PDE4D: variants seen among roughly 807,000 people sequenced by gnomAD.
PDE4D encodes the protein phosphodiesterase 4D.
In PDE4D, 24 loss-of-function variants were observed where a neutral mutation model predicts 87.4. The ratio of observed to expected loss-of-function variants is 0.27; its 90% confidence interval spans 0.20 to 0.39. The LOEUF is 0.39. Ranked by LOEUF, PDE4D falls within the 10% of genes least tolerant of loss-of-function variation. The pLI, the probability that PDE4D is intolerant of heterozygous loss-of-function variation, is 1.00. For synonymous variants in PDE4D, 384 were observed against 383.2 expected, an observed-to-expected ratio of 1.00 and a Z score of -0.02; for missense variants, 714 against 1,041.0, an observed-to-expected ratio of 0.69 and a Z score of 4.32.
intron 5 of PDE4D, chr5:59,091,004 A>G (rs1482974141): frequency 1.5e-5 from 6 of 404,228 alleles, no homozygotes; most frequent in Non-Finnish European, 2.9e-5. Context: ...TTTAGAAAGT[A>G]CTTTTCATGA....
At chr5:59,080,899 G>T (rs1438222621) in intron 5 of PDE4D, among the ~76,000 whole-genome samples, 2 of 152,056 alleles carry the variant, frequency 1.3e-5, no homozygotes, top group Non-Finnish European at 2.9e-5. Context: ...GACTAACTAG[G>T]TAAAATCTTC....
At chr5:59,772,999 A>C (rs1763730089) in intron 1 of PDE4D, among the ~76,000 whole-genome samples, 1 of 152,228 alleles carries the variant, frequency 6.6e-6, no homozygotes, top group Non-Finnish European at 1.5e-5. Context: ...TTGCAAAAGA[A>C]TGCTACAAGG....
At chr5:59,731,221 A>G (rs532354930) in intron 1 of PDE4D, among the ~76,000 whole-genome samples, 1 of 110,778 alleles carries the variant, frequency 9.0e-6, no homozygotes, top group East Asian at 2.0e-4. Context: ...AGCTGGGTTT[A>G]TATAAGCTGA....
At position 59,515,941 on chromosome 5, in the gene PDE4D, CA is replaced by C. The variant is rs113241603; in HGVS notation, c.456-299974del. Among the ~76,000 whole-genome samples, 279 of 152,230 alleles carry C rather than the reference CA, an allele frequency of 1.8e-3. 3 individuals carry two copies. The highest frequency in any genetic ancestry group is 6.5e-3 in the African/African-American group (269 of 41,544). ...ACTAGTTAGCCATATGGGAAACATA[CA>C]AAAGTGGATTTCTTCTCACACTGCA... On this transcript the variant is annotated intron_variant, in intron 1 of 14. Coordinates refer to ENST00000340635, the MANE Select transcript of PDE4D (RefSeq NM_001104631.2).
chr5:59,707,376 C>A (rs1753582299), intron 1 of PDE4D, among the ~76,000 whole-genome samples: 1 of 152,150 alleles, frequency 6.6e-6, no homozygotes, highest in South Asian at 2.1e-4. Flanking sequence ...ATGGAGCTCT[C>A]AGTCTTGTGG....
intron 1 of PDE4D, among the ~76,000 whole-genome samples, chr5:59,712,336 C>A (rs1398827057): frequency 6.8e-6 from 1 of 146,032 alleles, no homozygotes; most frequent in Non-Finnish European, 1.5e-5. Context: ...TCTTTCTCTC[C>A]CTCTGCAAAT....
chr5:59,737,997 G>A (rs957222183), intron 1 of PDE4D, among the ~76,000 whole-genome samples: 5 of 151,898 alleles, frequency 3.3e-5, no homozygotes, highest in Non-Finnish European at 5.9e-5. Flanking sequence ...CTATCAGTTC[G>A]TATTATACAT....
intron 3 of PDE4D, among the ~76,000 whole-genome samples, chr5:59,928,701 C>T (rs1382015384): frequency 6.6e-6 from 1 of 152,054 alleles, no homozygotes; most frequent in Non-Finnish European, 1.5e-5. Context: ...TGATTCTGGG[C>T]CACTAATCTC....
At chr5:59,248,042 TAAAA>T (rs70975306) in intron 1 of PDE4D, among the ~76,000 whole-genome samples, 6 of 37,488 alleles carry the variant, frequency 1.6e-4, no homozygotes, top group Non-Finnish European at 1.3e-4. Context: ...TATCTATTAG[TAAAA>T]AAAAAAAAAA....
chr5:60,087,298 G>A (rs1774638991), intron 2 of PDE4D, among the ~76,000 whole-genome samples: 1 of 152,194 alleles, frequency 6.6e-6, no homozygotes, highest in Non-Finnish European at 1.5e-5. Flanking sequence ...ATAATTGGAA[G>A]AGGTAGCTGA....
At chr5:60,050,338 A>C (rs1769966653) in intron 2 of PDE4D, among the ~76,000 whole-genome samples, 1 of 151,856 alleles carries the variant, frequency 6.6e-6, no homozygotes, top group Non-Finnish European at 1.5e-5. Flanking sequence ...TGACGCTCTC[A>C]CTGGGAGTTG....
chr5:59,532,056 A>G (rs970139697), intron 1 of PDE4D, among the ~76,000 whole-genome samples: 2 of 152,210 alleles, frequency 1.3e-5, no homozygotes, highest in African/African-American at 4.8e-5. Context: ...AAAATTAATG[A>G]AAGAAAATTG....
intron 1 of PDE4D, among the ~76,000 whole-genome samples, chr5:59,603,114 T>C (rs1385698917): frequency 2.6e-5 from 4 of 151,856 alleles, no homozygotes; most frequent in Non-Finnish European, 5.9e-5. Context: ...TTTTTGAACA[T>C]GACTCCAAAA....
chr5:59,943,858 C>G (rs1757443362), intron 3 of PDE4D, among the ~76,000 whole-genome samples: 1 of 152,130 alleles, frequency 6.6e-6, no homozygotes, highest in Non-Finnish European at 1.5e-5. Context: ...TAACAATAAC[C>G]GTGCAGTTAG....
intron 2 of PDE4D, among the ~76,000 whole-genome samples, chr5:60,106,398 C>T (rs1171717835): frequency 6.6e-6 from 1 of 151,350 alleles, no homozygotes; most frequent in Non-Finnish European, 1.5e-5. Context: ...GACTCCCACA[C>T]AATAATAATG....
At chr5:59,526,236 A>C (rs1021497403) in intron 1 of PDE4D, among the ~76,000 whole-genome samples, 1 of 152,166 alleles carries the variant, frequency 6.6e-6, no homozygotes, top group Non-Finnish European at 1.5e-5. Context: ...AACCACAATG[A>C]GGCAATGAGG....
chr5:59,275,859 G>A, intron 1 of PDE4D: 1 of 985,736 alleles, frequency 1.0e-6, no homozygotes, highest in South Asian at 4.7e-5. Context: ...CGGGAGAGCT[G>A]TCAAGGAAGT....
At chr5:59,138,043 C>G (rs1777371704) in intron 5 of PDE4D, among the ~76,000 whole-genome samples, 1 of 152,206 alleles carries the variant, frequency 6.6e-6, no homozygotes, top group African/African-American at 2.4e-5. Context: ...GTTAAAGGAA[C>G]AGTCCCTGAG....
chr5:59,030,312 A>G (rs1197725875), intron 6 of PDE4D, among the ~76,000 whole-genome samples: 1 of 151,956 alleles, frequency 6.6e-6, no homozygotes, highest in East Asian at 1.9e-4. Flanking sequence ...CAAAATATAT[A>G]AAAAATTCAA....
Sources: allele counts gnomAD v4.1 joint callset (sites outside exome capture counted in the v4.1 genomes callset), GRCh38; gene constraint gnomAD v4.1.1; transcripts MANE v1.5; gene names NCBI Gene and HGNC (gene_info 2026-07-23, HGNC 2026-07-21).